The following CYP20A1 variants were observed in gnomAD, a reference collection of about 807,000 sequenced individuals.
CYP20A1 encodes cytochrome P450 family 20 subfamily A member 1.
CYP20A1 carries 61 observed loss-of-function variants against 61.4 expected under a neutral mutation model. The observed-to-expected ratio is 0.99, with a 90% CI of 0.81 to 1.23. The LOEUF (loss-of-function observed/expected upper bound fraction) is 1.23. Among genes scored for constraint, CYP20A1 ranks in the 50% most tolerant of loss-of-function variants. The probability of loss-of-function intolerance (pLI) is 0.00; values close to 1 mark genes in which losing one functional copy is unlikely to be tolerated. For synonymous variants in CYP20A1, 193 were observed against 188.2 expected, an observed-to-expected ratio of 1.03 and a Z score of -0.21; for missense variants, 530 against 542.4, an observed-to-expected ratio of 0.98 and a Z score of 0.23.
intron 8 of CYP20A1, 117 bp downstream of exon 8, chr2:203,280,230 C>CAGGA (rs2067987534): frequency 2.8e-6 from 2 of 710,974 alleles, no homozygotes; most frequent in African/African-American, 1.8e-5. Context: ...TGCTTGAGGC[C>CAGGA]AGGAGTTGGA....
intron 6 of CYP20A1, among the ~76,000 whole-genome samples, chr2:203,275,264 T>G (rs1341317404): frequency 6.6e-6 from 1 of 152,188 alleles, no homozygotes. Context: ...CATTGAATCT[T>G]TTTAAAAATA....
chr2:203,242,253 TG>T (rs1380792430), intron 1 of CYP20A1, among the ~76,000 whole-genome samples: 1 of 152,194 alleles, frequency 6.6e-6, no homozygotes, highest in Admixed American at 6.5e-5. Flanking sequence ...TCCAAAGATC[TG>T]GGATTACAGG....
chr2:203,288,997 AAG>A (rs2068419851), intron 9 of CYP20A1, among the ~76,000 whole-genome samples: 1 of 152,248 alleles, frequency 6.6e-6, no homozygotes. Context: ...ATGTACACTT[AAG>A]AGTTTGATAT....
intron 10 of CYP20A1, among the ~76,000 whole-genome samples, chr2:203,290,654 A>T (rs2152109355): frequency 6.6e-6 from 1 of 151,946 alleles, no homozygotes; most frequent in African/African-American, 2.4e-5. Flanking sequence ...TTTTAATTTA[A>T]TTTTTTGAGA....
intron 1 of CYP20A1, among the ~76,000 whole-genome samples, chr2:203,241,411 C>T (rs187536426): frequency 2.6e-5 from 4 of 152,222 alleles, no homozygotes; most frequent in South Asian, 4.1e-4. Context: ...GTATTTAAAG[C>T]GAGGAGAACT....
At chr2:203,279,357 T>G (rs2067954276) in intron 7 of CYP20A1, among the ~76,000 whole-genome samples, 1 of 152,096 alleles carries the variant, frequency 6.6e-6, no homozygotes, top group African/African-American at 2.4e-5. Flanking sequence ...TTATTTAATA[T>G]TATTAAATTG....
At chr2:203,292,947 G>A (rs1410746010) in intron 11 of CYP20A1, among the ~76,000 whole-genome samples, 4 of 151,946 alleles carry the variant, frequency 2.6e-5, no homozygotes, top group Middle Eastern at 3.4e-3. Flanking sequence ...AGGCTGAGGC[G>A]GGCGGATCAC....
rs1442916917 is a variant in CYP20A1 at position 203,303,041 on chromosome 2, C to G, written c.*6133C>G. 6.7e-6 allele frequency among the ~76,000 whole-genome samples: 1 copy of G among 150,160 alleles called. No individual in the cohort carries two copies. The highest frequency in any genetic ancestry group is 1.5e-5 in the Non-Finnish European group (1 of 67,612). On this transcript the variant is annotated 3_prime_UTR_variant, in exon 13 of 13. Transcript: ENST00000356079. ...TTTGAGATGGAGTCTCGCTGTGTCA[C>G]CCAGGCTGGAGTGTGGTGGCACGAT...
At chr2:203,270,223 G>A (rs1405274275) in intron 5 of CYP20A1, among the ~76,000 whole-genome samples, 1 of 152,130 alleles carries the variant, frequency 6.6e-6, no homozygotes, top group Non-Finnish European at 1.5e-5. Flanking sequence ...TTGTGCCATG[G>A]CGCTCCAGCC....
In CYP20A1 at chr2:203,296,997, A is replaced by G. The variant is rs2068832169; in HGVS notation, c.*89A>G. On this transcript the variant is annotated 3_prime_UTR_variant, in exon 13 of 13. Coordinates refer to ENST00000356079, the MANE Select transcript of CYP20A1 (RefSeq NM_177538.3). ...ATGTTGAATCCTTTTATAAACCAGTATCACTTTGTAATATAAACACCTATT... is the reference window on the plus strand; with the variant it reads ...ATGTTGAATCCTTTTATAAACCAGTGTCACTTTGTAATATAAACACCTATT... 2.7e-6 allele frequency: 2 copies of G among 749,580 alleles called. No individual in the cohort carries two copies. The highest frequency in any genetic ancestry group is 4.2e-6 in the Non-Finnish European group (2 of 477,912). 46.4% of individuals were successfully genotyped at this position (749,580 alleles called of 1,614,324 possible). A position where few individuals can be genotyped will look rare whatever the true frequency, so the allele number is the denominator to read the frequency against.
chr2:203,272,573 A>AAG, intron 5 of CYP20A1, 97 bp from the exon 6 acceptor site: 2 of 348,502 alleles, frequency 5.7e-6, no homozygotes, highest in Non-Finnish European at 5.3e-6. Flanking sequence ...AAAAAAAAAG[A>AAG]GTTAAAGAGT....
chr2:203,254,140 G>T (rs774706500), intron 4 of CYP20A1, among the ~76,000 whole-genome samples: 7 of 151,602 alleles, frequency 4.6e-5, no homozygotes, highest in Middle Eastern at 3.2e-3. Flanking sequence ...TAGAGATGGG[G>T]TTTCACCATC....
chr2:203,288,897 A>T (rs1218429234), intron 9 of CYP20A1, among the ~76,000 whole-genome samples: 1 of 152,186 alleles, frequency 6.6e-6, no homozygotes, highest in East Asian at 1.9e-4. Context: ...GGTTTCTTGT[A>T]AGGATTCGAT....
intron 11 of CYP20A1, 70 bp from the exon 12 acceptor site, chr2:203,296,404 G>A: frequency 1.1e-6 from 1 of 881,230 alleles, no homozygotes; most frequent in Non-Finnish European, 1.8e-6. Context: ...ACATACTTGT[G>A]TTCTTTTAGT....
At chr2:203,247,523 A>C (rs2066503096) in intron 3 of CYP20A1, among the ~76,000 whole-genome samples, 1 of 152,138 alleles carries the variant, frequency 6.6e-6, no homozygotes, top group Non-Finnish European at 1.5e-5. Flanking sequence ...CTGGAAGAGT[A>C]AAGAGTAAAT....
At chr2:203,265,681 TTTTG>T (rs1000857790) in intron 4 of CYP20A1, among the ~76,000 whole-genome samples, 8 of 152,112 alleles carry the variant, frequency 5.3e-5, no homozygotes, top group East Asian at 3.8e-4. Flanking sequence ...TACAAATGTT[TTTTG>T]TTTGTTTGTT....
At chr2:203,261,316 G>C (rs1377993009) in intron 4 of CYP20A1, among the ~76,000 whole-genome samples, 1 of 152,006 alleles carries the variant, frequency 6.6e-6, no homozygotes, top group Non-Finnish European at 1.5e-5. Context: ...CCAGCACTTG[G>C]AGAGGCTGAG....
intron 4 of CYP20A1, among the ~76,000 whole-genome samples, chr2:203,261,153 G>C (rs1283078788): frequency 6.6e-6 from 1 of 151,890 alleles, no homozygotes; most frequent in Non-Finnish European, 1.5e-5. Context: ...AGGATTGCCT[G>C]AGTCCAGGAG....
chr2:203,262,493 T>C (rs1397558880), intron 4 of CYP20A1, among the ~76,000 whole-genome samples: 1 of 152,214 alleles, frequency 6.6e-6, no homozygotes, highest in Non-Finnish European at 1.5e-5. Context: ...ATTTGTTTTC[T>C]AATTTTGTTT....
Sources: gnomAD v4.1 joint callset for allele counts (sites outside exome capture counted in the v4.1 genomes callset) on GRCh38, gnomAD v4.1.1 for gene constraint, MANE v1.5 for transcripts, NCBI Gene and HGNC (gene_info 2026-07-23, HGNC 2026-07-21) for gene names.